The following VPS13D variants were observed in gnomAD, a reference collection of about 807,000 sequenced individuals.
VPS13D encodes the protein vacuolar protein sorting 13 homolog D.
Under a neutral mutation model 461.9 loss-of-function variants are expected in VPS13D, and 187 were observed. That is an observed-to-expected ratio of 0.40 (90% CI 0.36 to 0.46). The LOEUF (loss-of-function observed/expected upper bound fraction) is 0.46. Among genes scored for constraint, VPS13D ranks in the 20% least tolerant of loss-of-function variants. VPS13D has a pLI of 0.60. For synonymous variants in VPS13D, 1,951 were observed against 1,986.3 expected (o/e 0.98, Z 0.47); for missense variants, 4,711 against 5,364.9 (o/e 0.88, Z 3.81).
At chr1:12,432,253 C>T (rs547640214) in intron 65 of VPS13D, among the ~76,000 whole-genome samples, 1 of 152,104 alleles carries the variant, frequency 6.6e-6, no homozygotes, top group East Asian at 1.9e-4. Flanking sequence ...ATTAGATGGG[C>T]ATGGTGGTGC....
chr1:12,319,530 G>C lies in VPS13D; in HGVS notation c.7448G>C (p.Cys2483Ser). Residue 2483 changes from cysteine to serine, a missense_variant, in exon 32 of 70, where the codon TGC becomes TCC. Around this residue, in one of 3 missense-constraint regions of VPS13D, gnomAD observed 4,411 missense variants for 4,937.8 expected, o/e 0.89. Transcript: ENST00000620676. ...TTTGTGGTCATTGAAGATGTGTCCT[G>C]CTTCGACACCAATGCCATTATTCTG... ...TEFVVIEDVS[C>S]FDTNAIILKG... 6.2e-7 allele frequency: 1 copy of C among 1,614,160 alleles called. No individual in the cohort carries two copies. The highest frequency in any genetic ancestry group is 8.5e-7 in the Non-Finnish European group (1 of 1,180,002).
intron 57 of VPS13D, among the ~76,000 whole-genome samples, chr1:12,379,832 A>G (rs960329832): frequency 2.0e-5 from 3 of 151,482 alleles, no homozygotes; most frequent in African/African-American, 4.9e-5. Context: ...GCAGTGGCAC[A>G]ATCTCGGCTC....
intron 60 of VPS13D, among the ~76,000 whole-genome samples, chr1:12,388,800 C>T (rs1432630204): frequency 6.6e-6 from 1 of 151,686 alleles, no homozygotes; most frequent in Non-Finnish European, 1.5e-5. Flanking sequence ...ATGTTGCCTA[C>T]AAGAAACACA....
chr1:12,304,613 G>T lies in VPS13D; in HGVS notation c.6324G>T (p.Met2108Ile). 6.2e-7 allele frequency: 1 copy of T among 1,614,118 alleles called. No homozygotes were observed. Among genetic ancestry groups the T allele is most frequent in the Non-Finnish European group, 8.5e-7 (1 of 1,180,018 alleles). ...CCCATTCCCAGGGGCAGTTCACGAT[G>T]CCTCTTGCTGGAATGAGCCTAGGAA... ...RGTHSQGQFT[M>I]PLAGMSLGSL... Residue 2108 changes from methionine (M) to isoleucine (I), a missense_variant, in exon 26 of 70, where the codon ATG (methionine) becomes ATT (isoleucine). Met to Ile is a conservative substitution (Grantham distance 10). Transcript: ENST00000620676.
rs1256565127 is a variant in VPS13D, at chr1:12,277,642, C to A, written c.4054C>A (p.Pro1352Thr). Residue 1352 changes from proline (P) to threonine (T), a missense_variant, in exon 19 of 70, where the codon CCC becomes ACC. Pro to Thr is a conservative substitution (Grantham distance 38). Around this residue, in one of 3 missense-constraint regions of VPS13D, gnomAD observed 4,411 missense variants for 4,937.8 expected, o/e 0.89. Coordinates refer to ENST00000620676, the MANE Select transcript of VPS13D (RefSeq NM_015378.4). ...LFETPRKTRE[P>T]FILEENEIYG... ...TGAAACTCCAAGGAAGACTCGGGAA[C>A]CCTTTATCTTAGAGGAAAATGAAAT... 1.2e-5 allele frequency: 20 copies of A among 1,613,954 alleles called. No individual in the cohort carries two copies. The highest frequency in any genetic ancestry group is 5.0e-5 in the Admixed American group (3 of 59,990).
intron 67 of VPS13D, among the ~76,000 whole-genome samples, chr1:12,480,864 TC>T (rs1645705500): frequency 6.6e-6 from 1 of 152,216 alleles, no homozygotes; most frequent in Non-Finnish European, 1.5e-5. Flanking sequence ...GCTTCTTGGA[TC>T]TGAGCAATCC....
intron 52 of VPS13D, among the ~76,000 whole-genome samples, chr1:12,363,822 G>A (rs935520209): frequency 1.3e-5 from 2 of 151,782 alleles, no homozygotes; most frequent in African/African-American, 4.8e-5. Flanking sequence ...GCGTGGTGGT[G>A]TGTGGCTGTA....
chr1:12,335,773 G>C lies in VPS13D; in HGVS notation c.8497G>C (p.Ala2833Pro), dbSNP rs187932369. Residue 2833 changes from alanine to proline, a missense_variant, in exon 39 of 70, where the codon GCT (alanine) becomes CCT (proline). Around this residue, in one of 3 missense-constraint regions of VPS13D, gnomAD observed 4,411 missense variants for 4,937.8 expected, o/e 0.89. Coordinates refer to ENST00000620676, the MANE Select transcript of VPS13D (RefSeq NM_015378.4). The part of the protein sequence containing the change: ...YCKDDKDIES[A>P]KSEDWMGSSV... ...TAAAGATGACAAGGACATAGAGTCA[G>C]CTAAATCAGAAGACTGGATGGGCTC... The C allele has an allele frequency of 1.0e-4, 165 of 1,614,166 alleles. No homozygotes were observed. In the East Asian group the frequency reaches 3.6e-3, roughly 36 times the overall value.
chr1:12,432,871 A>G (rs1645010927), intron 65 of VPS13D, among the ~76,000 whole-genome samples: 1 of 152,210 alleles, frequency 6.6e-6, no homozygotes, highest in African/African-American at 2.4e-5. Context: ...CTGGGATTAC[A>G]GGCATGAGCC....
In VPS13D at chr1:12,358,580, C is replaced by T. The variant is rs748319041; in HGVS notation, c.10120C>T (p.Pro3374Ser). The T allele has an allele frequency of 2.2e-5, 35 of 1,613,988 alleles. No individual in the cohort carries two copies. The highest frequency in any genetic ancestry group is 8.0e-5 in the African/African-American group (6 of 74,884). The change falls in exon 50 of 70, where the codon CCA becomes TCA. Residue 3374 changes from proline (P) to serine (S), a missense_variant. Transcript: ENST00000620676. ...GAAAGTCATCCAGCAAGGAAACCGC[C>T]CAGGGCTGATCTATAACATTGGTGG... ...ALKVIQQGNR[P>S]GLIYNIGIDV...
chr1:12,489,237 C>T (rs1645844127), intron 67 of VPS13D, among the ~76,000 whole-genome samples: 1 of 152,162 alleles, frequency 6.6e-6, no homozygotes, highest in African/African-American at 2.4e-5. Flanking sequence ...TATCTGTTGG[C>T]ATTAGTCCTA....
At chr1:12,261,412 T>C (rs2101288842) in intron 12 of VPS13D, among the ~76,000 whole-genome samples, 1 of 152,354 alleles carries the variant, frequency 6.6e-6, no homozygotes, top group African/African-American at 2.4e-5. Flanking sequence ...TTTTAAACTC[T>C]GAAGTTTGAA....
intron 22 of VPS13D, among the ~76,000 whole-genome samples, chr1:12,289,325 C>A (rs1414198840): frequency 1.3e-5 from 2 of 152,144 alleles, no homozygotes; most frequent in African/African-American, 4.8e-5. Flanking sequence ...TCAAACCATC[C>A]ATCCACTTTG....
At chr1:12,445,443 G>T (rs1645180428) in intron 65 of VPS13D, among the ~76,000 whole-genome samples, 1 of 152,206 alleles carries the variant, frequency 6.6e-6, no homozygotes, top group Non-Finnish European at 1.5e-5. Flanking sequence ...CCTGAAATCA[G>T]TTAACCTGGA....
At chr1:12,471,700 T>C (rs553247735) in intron 67 of VPS13D, among the ~76,000 whole-genome samples, 21 of 152,352 alleles carry the variant, frequency 1.4e-4, no homozygotes, top group African/African-American at 5.1e-4. Context: ...ATTATGACTG[T>C]GTAAATAGTA....
chr1:12,401,405 G>T (rs1195310777), intron 61 of VPS13D, among the ~76,000 whole-genome samples: 2 of 152,060 alleles, frequency 1.3e-5, no homozygotes, highest in Non-Finnish European at 2.9e-5. Context: ...ACAATAGAAT[G>T]GCAAACCATC....
At chr1:12,409,467 G>A (rs1394782169) in intron 63 of VPS13D, among the ~76,000 whole-genome samples, 1 of 151,232 alleles carries the variant, frequency 6.6e-6, no homozygotes, top group Non-Finnish European at 1.5e-5. Context: ...ATATAATAAA[G>A]AGACTTTAAT....
At position 12,345,508 on chromosome 1, in the gene VPS13D, C is replaced by G. The variant is rs192469641; in HGVS notation, c.9020C>G (p.Thr3007Arg). The change falls in exon 43 of 70, where the codon ACG becomes AGG. Residue 3007 changes from threonine (T) to arginine (R), a missense_variant and splice_region_variant. By Grantham distance (71) the Thr-to-Arg change is moderately conservative (BLOSUM62 -1). Transcript: ENST00000620676. ...CCAGATAAAAATTCATCTTCCTCTA[C>G]GGTGTGTGACATTCAGGAAGTCAGA... is the stretch of plus-strand genomic sequence containing the variant. ...AAPDKNSSSS[T>R]IGSPSSRTNI... The G allele has an allele frequency of 1.9e-6, 3 of 1,608,530 alleles. No homozygotes were observed. In the Admixed American group the frequency reaches 5.0e-5, roughly 27 times the overall value.
At chr1:12,325,323 G>A (rs138792011) in intron 35 of VPS13D, among the ~76,000 whole-genome samples, 1 of 151,722 alleles carries the variant, frequency 6.6e-6, no homozygotes, top group Non-Finnish European at 1.5e-5. Context: ...GCAGTGGCGC[G>A]ATCTTGGCCC....
Sources: allele counts gnomAD v4.1 joint callset (sites outside exome capture counted in the v4.1 genomes callset), GRCh38; gene constraint gnomAD v4.1.1; regional missense constraint gnomAD v4.1.1; transcripts MANE v1.5; gene names NCBI Gene and HGNC (gene_info 2026-07-23, HGNC 2026-07-21).